ARHGAP20: variants seen among roughly 807,000 people sequenced by gnomAD.
The protein encoded by ARHGAP20 is rho GTPase-activating protein 20.
ARHGAP20 carries 34 observed loss-of-function variants against 73.7 expected under a neutral mutation model. That is an observed-to-expected ratio of 0.46 (90% confidence interval 0.35 to 0.61). The LOEUF is 0.61. Ranked by LOEUF, ARHGAP20 falls within the 20% of genes least tolerant of loss-of-function variation. ARHGAP20 has a pLI of 0.00. For missense variants in ARHGAP20, 1,314 were observed against 1,420.9 expected (o/e 0.92, Z 1.21); for synonymous variants, 523 against 518.2 (o/e 1.01, Z -0.13).
At chr11:110,642,308 G>T (rs1310729744) in intron 2 of ARHGAP20, among the ~76,000 whole-genome samples, 1 of 152,072 alleles carries the variant, frequency 6.6e-6, no homozygotes, top group Non-Finnish European at 1.5e-5. Flanking sequence ...GCTCTGGCTA[G>T]CACATCCAGT....
In ARHGAP20 at chr11:110,579,046, A is replaced by G. The variant is rs755145311; in HGVS notation, c.*324T>C. 31 of 1,010,052 alleles carry G rather than the reference A, an allele frequency of 3.1e-5. No homozygotes were observed. The highest frequency in any genetic ancestry group is 8.6e-5 in the South Asian group (2 of 23,284). 62.6% of individuals were successfully genotyped at this position (1,010,052 alleles called of 1,614,324 possible). On this transcript the variant is annotated 3_prime_UTR_variant, in exon 15 of 15. Coordinates refer to ENST00000683387, the MANE Select transcript of ARHGAP20 (RefSeq NM_001384657.1). Reference sequence around the variant, plus strand: ...ATATCTTGGTCTTCTCAGGACATCAATCTCACAGACTGTTCCCATAAGTGC... The same window carrying G: ...ATATCTTGGTCTTCTCAGGACATCAGTCTCACAGACTGTTCCCATAAGTGC...
At position 110,579,636 on chromosome 11, in the gene ARHGAP20, C is replaced by T. The variant is rs1418487817; in HGVS notation, c.3310G>A (p.Val1104Met). The change falls in exon 15 of 15, where the codon GTG becomes ATG. Residue 1104 changes from valine (V) to methionine (M), a missense_variant. Val to Met is a conservative substitution (Grantham distance 21). Transcript: ENST00000683387. ...PLRAAEGLSP[V>M]QSAQRCSSSP... ...GAACTACACCTTTGGGCTGACTGCA[C>T]AGGGGACAGTCCTTCAGCTGCCCTT... 13 of 1,614,120 alleles carry T rather than the reference C, an allele frequency of 8.1e-6. No homozygotes were observed. The highest frequency in any genetic ancestry group is 1.3e-5 in the African/African-American group (1 of 74,946).
intron 2 of ARHGAP20, among the ~76,000 whole-genome samples, 195 bp from the exon 3 acceptor site, chr11:110,630,987 A>G (rs1347532009): frequency 1.3e-5 from 2 of 152,338 alleles, no homozygotes; most frequent in Admixed American, 6.5e-5. Flanking sequence ...GTTTTATAAT[A>G]AACACATGTA....
At chr11:110,581,671 C>A (rs998637304) in intron 14 of ARHGAP20, among the ~76,000 whole-genome samples, 1 of 152,154 alleles carries the variant, frequency 6.6e-6, no homozygotes, top group African/African-American at 2.4e-5. Flanking sequence ...CTTATTTAAT[C>A]TTTACAACAA....
chr11:110,698,483 G>A (rs748311575), intron 1 of ARHGAP20, among the ~76,000 whole-genome samples: 14 of 151,480 alleles, frequency 9.2e-5, no homozygotes, highest in East Asian at 1.9e-4. Flanking sequence ...TAGAAGTTTC[G>A]GTAAGATTGA....
chr11:110,659,635 C>T (rs1444183842), intron 2 of ARHGAP20, among the ~76,000 whole-genome samples: 1 of 151,938 alleles, frequency 6.6e-6, no homozygotes, highest in Non-Finnish European at 1.5e-5. Context: ...AGTCCTTGCC[C>T]ATGCCTATGT....
At chr11:110,591,139 A>T (rs544970762) in intron 10 of ARHGAP20, among the ~76,000 whole-genome samples, 1 of 152,284 alleles carries the variant, frequency 6.6e-6, no homozygotes, top group Admixed American at 6.5e-5. Context: ...TTGCTCAGAG[A>T]GTGAATTTTA....
chr11:110,611,952 C>T (rs1948376224), intron 6 of ARHGAP20, among the ~76,000 whole-genome samples: 1 of 152,082 alleles, frequency 6.6e-6, no homozygotes, highest in African/African-American at 2.4e-5. Context: ...ACTGTGGCCA[C>T]TAAGATTTTA....
chr11:110,593,933 T>C (rs1230330960), intron 9 of ARHGAP20, among the ~76,000 whole-genome samples: 1 of 152,254 alleles, frequency 6.6e-6, no homozygotes, highest in Non-Finnish European at 1.5e-5. Context: ...CTGTGTGGCA[T>C]TGTTCCTTAT....
chr11:110,695,491 G>A (rs963361497), intron 1 of ARHGAP20, among the ~76,000 whole-genome samples: 6 of 151,446 alleles, frequency 4.0e-5, no homozygotes, highest in Admixed American at 2.6e-4. Context: ...CAATAATAAA[G>A]GCAAATTGCC....
chr11:110,596,026 A>C (rs1947950282), intron 9 of ARHGAP20, among the ~76,000 whole-genome samples: 2 of 152,156 alleles, frequency 1.3e-5, no homozygotes, highest in Admixed American at 6.5e-5. Context: ...CAAACCTGAC[A>C]AAAACAAGCA....
chr11:110,693,414 T>C (rs184875633), intron 1 of ARHGAP20, among the ~76,000 whole-genome samples: 2 of 152,090 alleles, frequency 1.3e-5, no homozygotes, highest in East Asian at 3.9e-4. Flanking sequence ...CTTAGGTCCC[T>C]TTATTTCTGA....
chr11:110,647,991 A>G (rs1272578230), intron 2 of ARHGAP20, among the ~76,000 whole-genome samples: 3 of 151,762 alleles, frequency 2.0e-5, no homozygotes, highest in Admixed American at 6.6e-5. Flanking sequence ...AAGTCAGAAC[A>G]CTTTGATAGT....
intron 4 of ARHGAP20, among the ~76,000 whole-genome samples, chr11:110,617,024 G>C (rs1465075415): frequency 1.3e-5 from 2 of 152,014 alleles, no homozygotes; most frequent in African/African-American, 4.8e-5. Context: ...CCAGCACCCA[G>C]ATCAGGAAAT....
chr11:110,672,975 C>G (rs1949859294), intron 2 of ARHGAP20, among the ~76,000 whole-genome samples: 1 of 152,150 alleles, frequency 6.6e-6, no homozygotes, highest in Non-Finnish European at 1.5e-5. Context: ...TCAAATATCT[C>G]TCAACAGAAT....
intron 1 of ARHGAP20, among the ~76,000 whole-genome samples, chr11:110,700,314 T>C (rs1173759979): frequency 1.3e-5 from 2 of 152,014 alleles, no homozygotes; most frequent in Admixed American, 6.6e-5. Flanking sequence ...AGTATTAAAA[T>C]AAGGGCACTG....
At chr11:110,633,671 G>A (rs1948904910) in intron 2 of ARHGAP20, among the ~76,000 whole-genome samples, 1 of 152,142 alleles carries the variant, frequency 6.6e-6, no homozygotes, top group Non-Finnish European at 1.5e-5. Flanking sequence ...CTCAACATAT[G>A]ATAGATTTAT....
intron 2 of ARHGAP20, among the ~76,000 whole-genome samples, chr11:110,654,881 T>C (rs1024117048): frequency 6.6e-6 from 1 of 152,228 alleles, no homozygotes. Context: ...CACGTGTTTC[T>C]TAATCTAGGG....
rs756292119 is a variant in ARHGAP20 at position 110,712,151 on chromosome 11, G to A, written c.81C>T (p.Leu27=). 11 of 1,361,560 alleles carry A rather than the reference G, an allele frequency of 8.1e-6. No individual in the cohort carries two copies. Among genetic ancestry groups the A allele is most frequent in the South Asian group, 2.3e-5 (1 of 43,902 alleles). 84.3% of individuals were successfully genotyped at this position (1,361,560 alleles called of 1,614,324 possible). A position where few individuals can be genotyped will look rare whatever the true frequency, so the allele number is the denominator to read the frequency against. The change falls in exon 1 of 15, where the codon CTC becomes CTT. Residue 27 remains leucine (L), a synonymous_variant. Transcript: ENST00000683387. ...CCTTCTTGGTGCAGCTGCCTCCCGC[G>A]AGCCGAGACACTCCTGTCAGGGAAG... ...RSSSLTGVSR[L]AGGSCTKKKM... is the part of the protein sequence containing the mutation.
Sources: gnomAD v4.1 joint callset for allele counts (sites outside exome capture counted in the v4.1 genomes callset) on GRCh38, gnomAD v4.1.1 for gene constraint, MANE v1.5 for transcripts, NCBI Gene and HGNC (gene_info 2026-07-23, HGNC 2026-07-21) for gene names.